CREB5: variants seen among roughly 807,000 people sequenced by gnomAD.
CREB5 encodes the protein cyclic AMP-responsive element-binding protein 5.
In CREB5, 19 loss-of-function variants were observed where a neutral mutation model predicts 57.1. That is an observed-to-expected ratio of 0.33 (90% CI 0.23 to 0.49). The LOEUF (loss-of-function observed/expected upper bound fraction) is 0.49. Among genes scored for constraint, CREB5 ranks in the 20% least tolerant of loss-of-function variants. The probability of loss-of-function intolerance (pLI) is 0.99; values close to 1 mark genes in which losing one functional copy is unlikely to be tolerated. For missense variants in CREB5, 579 were observed against 671.6 expected (o/e 0.86, Z 1.52); for synonymous variants, 238 against 238.3 (o/e 1.00, Z 0.01).
intron 5 of CREB5, among the ~76,000 whole-genome samples, chr7:28,689,909 GGT>G (rs34310030): frequency 0.013 from 1,794 of 141,630 alleles, 14 homozygotes; most frequent in African/African-American, 0.017. Context: ...ACTTGTATTT[GGT>G]GTGTGTGTGT....
In CREB5 at chr7:28,560,891, T is replaced by TGCGTGCGTGCGTGCGCGTGCGTGCGTGC. The variant is rs1314317818; in HGVS notation, c.292-9473_292-9472insCGTGCGTGCGTGCGCGTGCGTGCGTGCG. 8.6e-4 allele frequency among the ~76,000 whole-genome samples: 17 copies of TGCGTGCGTGCGTGCGCGTGCGTGCGTGC among 19,726 alleles called. 5 individuals are homozygous for TGCGTGCGTGCGTGCGCGTGCGTGCGTGC. The highest frequency in any genetic ancestry group is 3.7e-3 in the African/African-American group (17 of 4,546). The allele number at this position is 19,726 out of a possible 152,430, so 12.9% of individuals were successfully genotyped here. ...CTGCGTGCGCGTGCGTGCGTGCGTG[T>TGCGTGCGTGCGTGCGCGTGCGTGCGTGC]GTGTGCGTGCGCGCGTGCGTGTGCG... On this transcript the variant is annotated intron_variant, in intron 4 of 10. Coordinates refer to ENST00000357727, the MANE Select transcript of CREB5 (RefSeq NM_182898.4).
At chr7:28,784,091 T>C (rs945321833) in intron 7 of CREB5, among the ~76,000 whole-genome samples, 1 of 152,246 alleles carries the variant, frequency 6.6e-6, no homozygotes. Context: ...CAGATGACTT[T>C]GTCCTGTTTG....
At chr7:28,782,187 A>T (rs988913210) in intron 7 of CREB5, among the ~76,000 whole-genome samples, 1 of 152,212 alleles carries the variant, frequency 6.6e-6, no homozygotes, top group Non-Finnish European at 1.5e-5. Context: ...TTTGCTGGAA[A>T]TACAGTAAGA....
chr7:28,733,128 C>T (rs527880240), intron 7 of CREB5, among the ~76,000 whole-genome samples: 1 of 152,102 alleles, frequency 6.6e-6, no homozygotes, highest in Non-Finnish European at 1.5e-5. Flanking sequence ...AGATTTTAAT[C>T]CAACTGTGGC....
intron 7 of CREB5, among the ~76,000 whole-genome samples, chr7:28,726,071 T>A (rs1348439555): frequency 6.6e-6 from 1 of 152,224 alleles, no homozygotes; most frequent in Non-Finnish European, 1.5e-5. Context: ...TCATGTCAGT[T>A]GGAAACAAAG....
intron 5 of CREB5, among the ~76,000 whole-genome samples, chr7:28,655,244 C>T (rs113321726): frequency 0.018 from 2,778 of 152,170 alleles, 81 homozygotes; most frequent in African/African-American, 0.064. Flanking sequence ...CGAATGGTGG[C>T]ATGTAGGTGT....
At chr7:28,333,968 C>G (rs753604983) in intron 1 of CREB5, among the ~76,000 whole-genome samples, 5 of 152,196 alleles carry the variant, frequency 3.3e-5, no homozygotes, top group East Asian at 1.9e-4. Context: ...GGAGGAGCCC[C>G]TAAACTGTTG....
intron 5 of CREB5, among the ~76,000 whole-genome samples, chr7:28,602,570 G>A (rs1796961990): frequency 1.3e-5 from 2 of 152,072 alleles, no homozygotes; most frequent in African/African-American, 4.8e-5. Flanking sequence ...AACTTGTATG[G>A]ACCTCAGAGG....
rs112511868 is a variant in CREB5 at position 28,371,770 on chromosome 7, C to T, written c.-25+72329C>T. On this transcript the variant is annotated intron_variant, in intron 1 of 9. Coordinates refer to the CREB5 transcript ENST00000396299. ...GCTCACTGCACTTATTCTAAGACGCCGTTGCTTATGCGTGTCCTCCAGTAG... is the reference window on the plus strand; with the variant it reads ...GCTCACTGCACTTATTCTAAGACGCTGTTGCTTATGCGTGTCCTCCAGTAG... Among the ~76,000 whole-genome samples, 157 of 152,228 alleles carry T rather than the reference C, an allele frequency of 1.0e-3. 2 individuals are homozygous for T. The highest frequency in any genetic ancestry group is 3.7e-3 in the African/African-American group (153 of 41,538).
intron 6 of CREB5, among the ~76,000 whole-genome samples, chr7:28,721,286 A>C (rs1803019461): frequency 6.6e-6 from 1 of 152,180 alleles, no homozygotes; most frequent in African/African-American, 2.4e-5. Flanking sequence ...ACAACAAAGG[A>C]TTATTTAGCC....
chr7:28,343,088 C>A (rs529531409), intron 1 of CREB5, among the ~76,000 whole-genome samples: 1 of 151,940 alleles, frequency 6.6e-6, no homozygotes, highest in African/African-American at 2.4e-5. Context: ...CTACAGGTAC[C>A]CGCCACCACG....
chr7:28,818,373 C>A (rs192235336), intron 10 of CREB5, among the ~76,000 whole-genome samples, 194 bp downstream of exon 10: 4 of 152,276 alleles, frequency 2.6e-5, no homozygotes, highest in Admixed American at 6.5e-5. Flanking sequence ...AACACCATGC[C>A]CACCACCTCC....
intron 7 of CREB5, 27 bp from the exon 8 acceptor site, chr7:28,804,171 CT>C (rs764639642): frequency 3.4e-5 from 55 of 1,596,850 alleles, no homozygotes; most frequent in Non-Finnish European, 4.7e-5. Context: ...TTCAGTTGTT[CT>C]CTCTCCTCCC....
rs372781773 is a variant in CREB5, at chr7:28,739,805, C to T, written c.702+15473C>T. On this transcript the variant is annotated intron_variant, in intron 7 of 10. Transcript: ENST00000357727. ...CAGACAGGGCAGTGGCATTAAATTC[C>T]TTACCTTGGTTAAAAAAAGAAACAT... Among the ~76,000 whole-genome samples, 101 of 152,236 alleles carry T rather than the reference C, an allele frequency of 6.6e-4. 1 individual carries two copies. Among genetic ancestry groups the T allele is most frequent in the African/African-American group, 2.4e-3 (99 of 41,524 alleles).
chr7:28,310,310 T>G (rs1207820989), intron 1 of CREB5, among the ~76,000 whole-genome samples: 2 of 152,244 alleles, frequency 1.3e-5, no homozygotes, highest in Non-Finnish European at 2.9e-5. Context: ...TGTAAAATAG[T>G]AATAGTACCT....
At chr7:28,401,074 G>A (rs2127999681) in intron 1 of CREB5, among the ~76,000 whole-genome samples, 1 of 152,294 alleles carries the variant, frequency 6.6e-6, no homozygotes, top group East Asian at 1.9e-4. Flanking sequence ...TTCAGAGCAG[G>A]TGTCAATCTC....
intron 7 of CREB5, among the ~76,000 whole-genome samples, chr7:28,789,161 G>T (rs1055819485): frequency 6.6e-6 from 1 of 152,184 alleles, no homozygotes. Flanking sequence ...ACCTGTATTT[G>T]TCACTATAGA....
At chr7:28,555,033 A>G (rs1199995528) in intron 4 of CREB5, among the ~76,000 whole-genome samples, 2 of 151,942 alleles carry the variant, frequency 1.3e-5, no homozygotes, top group Non-Finnish European at 2.9e-5. Context: ...CTCCGCCTTC[A>G]CTGGAGTTTT....
In CREB5 at chr7:28,673,775, G is replaced by A. The variant is rs1021956711; in HGVS notation, c.465-44978G>A. Among the ~76,000 whole-genome samples, 8 of 144,618 alleles carry A rather than the reference G, an allele frequency of 5.5e-5. 1 individual carries two copies. Among genetic ancestry groups the A allele is most frequent in the Admixed American group, 2.2e-4 (3 of 13,762 alleles). The allele number at this position is 144,618 out of a possible 152,430, so 94.9% of individuals were successfully genotyped here. On this transcript the variant is annotated intron_variant, in intron 5 of 10. Transcript: ENST00000357727. ...GCAACCTCCACCTACTTAGGCTCAA[G>A]TGATCCTCCCTACTCAGCCTCCCAA...
Sources: allele counts gnomAD v4.1 joint callset (sites outside exome capture counted in the v4.1 genomes callset), GRCh38; gene constraint gnomAD v4.1.1; transcripts MANE v1.5; gene names NCBI Gene and HGNC (gene_info 2026-07-23, HGNC 2026-07-21).